The following SPATA13 variants were observed in gnomAD, a reference collection of about 807,000 sequenced individuals.
SPATA13 encodes the protein spermatogenesis-associated protein 13.
A neutral mutation model predicts 104.0 loss-of-function variants in SPATA13; 50 were observed. That is an observed-to-expected ratio of 0.48 (90% confidence interval 0.38 to 0.61). SPATA13 has a LOEUF of 0.61. SPATA13 is among the 20% of genes least tolerant of loss of function. The pLI, the probability that SPATA13 is intolerant of heterozygous loss-of-function variation, is 0.00. For synonymous variants in SPATA13, 606 were observed against 667.5 expected, an observed-to-expected ratio of 0.91 and a Z score of 1.42; for missense variants, 1,524 against 1,690.6, an observed-to-expected ratio of 0.90 and a Z score of 1.73.
chr13:24,108,109 G>A (rs1457887416), intron 3 of SPATA13, among the ~76,000 whole-genome samples: 1 of 152,198 alleles, frequency 6.6e-6, no homozygotes, highest in East Asian at 1.9e-4. Context: ...CCTCTGGAGG[G>A]GTGAATGCTG....
At chr13:24,197,279 G>T (rs1051404882) in intron 1 of SPATA13, among the ~76,000 whole-genome samples, 1 of 142,448 alleles carries the variant, frequency 7.0e-6, no homozygotes, top group Non-Finnish European at 1.5e-5. Context: ...CAGAGACTCA[G>T]TAGGAAGAAA....
At chr13:24,000,466 CAAGGAATG>C (rs1875904984) in intron 2 of SPATA13, among the ~76,000 whole-genome samples, 1 of 152,102 alleles carries the variant, frequency 6.6e-6, no homozygotes, top group South Asian at 2.1e-4. Context: ...AGACACCACA[CAAGGAATG>C]ACTTTCAGGG....
Position 24,223,651 on chromosome 13 carries a change from AC to A in SPATA13, c.725del (p.Pro242LeufsTer20). ...VPAVCEILVR[D>X]PENNSMGYRR... ...GCCGTGTGTGAGATTCTCGTGAGGG[AC>A]CCTGAAAACAACAGCATGGGCTACA... On this transcript the variant is annotated frameshift_variant, in exon 2 of 13. Transcript: ENST00000382108. LOFTEE classifies it high-confidence loss of function. The A allele has an allele frequency of 6.4e-7, 1 of 1,551,960 alleles. No individual in the cohort carries two copies. Among genetic ancestry groups the A allele is most frequent in the East Asian group, 2.4e-5 (1 of 40,932 alleles).
chr13:24,049,226 TA>T (rs1407300287), intron 3 of SPATA13, among the ~76,000 whole-genome samples: 1 of 152,200 alleles, frequency 6.6e-6, no homozygotes, highest in African/African-American at 2.4e-5. Context: ...GACAACATTT[TA>T]GTCACTGATG....
chr13:24,095,163 A>G (rs1238649897), intron 3 of SPATA13, among the ~76,000 whole-genome samples: 1 of 152,248 alleles, frequency 6.6e-6, no homozygotes, highest in African/African-American at 2.4e-5. Context: ...CCAAGTGTCC[A>G]TCAGTGGATA....
rs543625553 is a variant in SPATA13 at position 24,210,265 on chromosome 13, C to G, written c.-111-12554C>G. Among the ~76,000 whole-genome samples, 76 of 152,236 alleles carry G rather than the reference C, an allele frequency of 5.0e-4. 1 individual carries two copies. Among genetic ancestry groups the G allele is most frequent in the African/African-American group, 1.5e-3 (64 of 41,540 alleles). Reference sequence around the variant, plus strand: ...TTGTTGTTTCTTTTGCTATGAAAAGCCTTTTAGCTTGATACAGTCTCGTGT... The same window carrying G: ...TTGTTGTTTCTTTTGCTATGAAAAGGCTTTTAGCTTGATACAGTCTCGTGT... On this transcript the variant is annotated intron_variant, in intron 1 of 12. Transcript: ENST00000382108.
At chr13:24,193,402 T>C (rs1275159458) in intron 1 of SPATA13, among the ~76,000 whole-genome samples, 7 of 152,032 alleles carry the variant, frequency 4.6e-5, no homozygotes, top group African/African-American at 1.4e-4. Flanking sequence ...TTGTTTGTAC[T>C]GGGGGCCTGG....
At chr13:24,029,221 G>A (rs762692984) in intron 3 of SPATA13, among the ~76,000 whole-genome samples, 11 of 152,294 alleles carry the variant, frequency 7.2e-5, no homozygotes, top group Middle Eastern at 3.4e-3. Flanking sequence ...AACACAGCCG[G>A]CCTCTGAAAA....
At chr13:24,120,697 G>C (rs939808265) in intron 3 of SPATA13, among the ~76,000 whole-genome samples, 3 of 152,150 alleles carry the variant, frequency 2.0e-5, no homozygotes, top group Non-Finnish European at 2.9e-5. Flanking sequence ...CTCCATAAAG[G>C]GTTGTTGTTA....
At chr13:24,210,732 C>T (rs1870964443) in intron 1 of SPATA13, among the ~76,000 whole-genome samples, 3 of 131,172 alleles carry the variant, frequency 2.3e-5, no homozygotes, top group East Asian at 2.2e-4. Context: ...CTTTGTCCGT[C>T]TGGAATCTTT....
rs1877576614 is a variant in SPATA13 at position 24,306,363 on chromosome 13, G to T, written c.*3590G>T. ...CAGCATAATTACCTGGAGTTAGGGG[G>T]AGTATTTCTGCACTATTACTTGTCA... On this transcript the variant is annotated 3_prime_UTR_variant, in exon 13 of 13. Transcript: ENST00000382108. 1 of 152,168 alleles carries T rather than the reference G, an allele frequency of 6.6e-6. No homozygotes were observed. Among genetic ancestry groups the T allele is most frequent in the Non-Finnish European group, 1.5e-5 (1 of 68,030 alleles). The allele number at this position is 152,168 out of a possible 1,614,324, so 9.4% of individuals were successfully genotyped here. A position where few individuals can be genotyped will look rare whatever the true frequency, so the allele number is the denominator to read the frequency against.
intron 4 of SPATA13, among the ~76,000 whole-genome samples, chr13:24,273,297 C>T (rs1191419719): frequency 6.6e-6 from 1 of 152,138 alleles, no homozygotes; most frequent in Non-Finnish European, 1.5e-5. Context: ...GTTGGCTGCC[C>T]AGGGTGCAGG....
intron 3 of SPATA13, among the ~76,000 whole-genome samples, chr13:24,067,916 T>C (rs1422393989): frequency 2.0e-5 from 3 of 152,090 alleles, no homozygotes; most frequent in Non-Finnish European, 2.9e-5. Context: ...GTTGGCAAGG[T>C]TGGTCTCGAA....
chr13:24,257,690 G>C (rs1383867196), intron 4 of SPATA13, among the ~76,000 whole-genome samples: 2 of 151,358 alleles, frequency 1.3e-5, no homozygotes, highest in Non-Finnish European at 2.9e-5. Flanking sequence ...TAGCACTCTA[G>C]TGAGCTAGGC....
intron 3 of SPATA13, among the ~76,000 whole-genome samples, chr13:24,145,620 G>A (rs1043253837): frequency 6.6e-6 from 1 of 152,180 alleles, no homozygotes; most frequent in African/African-American, 2.4e-5. Flanking sequence ...CAGGGACTGG[G>A]GAACTCTTCC....
intron 3 of SPATA13, among the ~76,000 whole-genome samples, chr13:24,094,499 C>G (rs943082088): frequency 6.6e-6 from 1 of 152,284 alleles, no homozygotes; most frequent in African/African-American, 2.4e-5. Flanking sequence ...AATACTGTGA[C>G]GGGACAAAGC....
At chr13:24,122,393 A>G in intron 3 of SPATA13, 1 of 1,579,342 alleles carries the variant, frequency 6.3e-7, no homozygotes, top group Non-Finnish European at 8.7e-7. Flanking sequence ...ATTGTGGAAT[A>G]GCCTTCCAGA....
chr13:24,130,418 G>T (rs1280267484), intron 3 of SPATA13, among the ~76,000 whole-genome samples: 4 of 152,194 alleles, frequency 2.6e-5, no homozygotes, highest in Non-Finnish European at 5.9e-5. Context: ...TTAGAGAGAA[G>T]GCATGAATCA....
intron 3 of SPATA13, among the ~76,000 whole-genome samples, chr13:24,097,394 T>C (rs1880118326): frequency 6.6e-6 from 1 of 152,036 alleles, no homozygotes; most frequent in South Asian, 2.1e-4. Context: ...GGACCCAAAG[T>C]TCAGGGGAAG....
Sources: allele counts gnomAD v4.1 joint callset (sites outside exome capture counted in the v4.1 genomes callset), GRCh38; gene constraint gnomAD v4.1.1; transcripts MANE v1.5; gene names NCBI Gene and HGNC (gene_info 2026-07-23, HGNC 2026-07-21).